Variants in ZSWIM5 observed in about 807,000 individuals in gnomAD.
ZSWIM5 encodes the protein zinc finger SWIM domain-containing protein 5.
Under a neutral mutation model 119.6 loss-of-function variants are expected in ZSWIM5, and 55 were observed. That is an observed-to-expected ratio of 0.46 (90% CI 0.37 to 0.58). The LOEUF (loss-of-function observed/expected upper bound fraction) is 0.58. Ranked by LOEUF, ZSWIM5 falls within the 20% of genes least tolerant of loss-of-function variation. ZSWIM5 has a pLI of 0.00. For missense variants in ZSWIM5, 1,193 were observed against 1,512.8 expected (o/e 0.79, Z 3.51); for synonymous variants, 537 against 606.9 (o/e 0.88, Z 1.69).
At chr1:45,080,836 T>C (rs1645285551) in intron 2 of ZSWIM5, among the ~76,000 whole-genome samples, 1 of 152,078 alleles carries the variant, frequency 6.6e-6, no homozygotes, top group Non-Finnish European at 1.5e-5. Context: ...AAATAGGGCA[T>C]AGAGTAGTGC....
chr1:45,068,332 C>T (rs1040182237), intron 2 of ZSWIM5, among the ~76,000 whole-genome samples: 1 of 151,750 alleles, frequency 6.6e-6, no homozygotes, highest in Non-Finnish European at 1.5e-5. Context: ...TCTTGAACTC[C>T]TGACCGCAGG....
At chr1:45,044,763 A>G (rs1456728162) in intron 5 of ZSWIM5, among the ~76,000 whole-genome samples, 1 of 3,894 alleles carries the variant, frequency 2.6e-4, no homozygotes, top group African/African-American at 7.8e-4. Flanking sequence ...ATATATATAT[A>G]TATATATATA....
intron 10 of ZSWIM5, among the ~76,000 whole-genome samples, chr1:45,034,835 G>A (rs1256735244): frequency 1.3e-5 from 2 of 152,174 alleles, no homozygotes; most frequent in East Asian, 1.9e-4. Context: ...AGGCTGGAGT[G>A]TAGTGGCATA....
chr1:45,172,093 A>C (rs1014022919), intron 1 of ZSWIM5, among the ~76,000 whole-genome samples: 2 of 152,040 alleles, frequency 1.3e-5, no homozygotes, highest in African/African-American at 4.8e-5. Context: ...ATAATATTGT[A>C]AGAATGCTCA....
At chr1:45,189,755 C>CA (rs957294942) in intron 1 of ZSWIM5, among the ~76,000 whole-genome samples, 3 of 152,050 alleles carry the variant, frequency 2.0e-5, no homozygotes, top group African/African-American at 7.2e-5. Flanking sequence ...GATTTCGTCT[C>CA]AAAAAACAAA....
intron 1 of ZSWIM5, among the ~76,000 whole-genome samples, chr1:45,150,819 A>G (rs1204095195): frequency 6.6e-6 from 1 of 152,198 alleles, no homozygotes; most frequent in African/African-American, 2.4e-5. Context: ...CATGATCAGT[A>G]CTTAATAAAT....
chr1:45,194,604 G>A (rs1431329430), intron 1 of ZSWIM5, among the ~76,000 whole-genome samples: 8 of 152,120 alleles, frequency 5.3e-5, no homozygotes, highest in Non-Finnish European at 1.0e-4. Context: ...CTGGCCAGGC[G>A]CGGTGGCTCA....
intron 3 of ZSWIM5, among the ~76,000 whole-genome samples, chr1:45,059,027 G>C (rs1387010225): frequency 6.6e-6 from 1 of 152,148 alleles, no homozygotes; most frequent in Non-Finnish European, 1.5e-5. Flanking sequence ...TAAAGAAATT[G>C]ACACATCATA....
intron 1 of ZSWIM5, among the ~76,000 whole-genome samples, chr1:45,179,938 T>A (rs1228954379): frequency 6.8e-6 from 1 of 147,376 alleles, no homozygotes; most frequent in African/African-American, 2.5e-5. Context: ...TAAAATGATA[T>A]GGTATAGGGA....
chr1:45,117,855 T>C (rs1469235430), intron 1 of ZSWIM5, among the ~76,000 whole-genome samples: 1 of 152,208 alleles, frequency 6.6e-6, no homozygotes, highest in Admixed American at 6.5e-5. Flanking sequence ...GGCAAGTCAA[T>C]CTATATCAGT....
chr1:45,125,466 C>T (rs1645614986), intron 1 of ZSWIM5, among the ~76,000 whole-genome samples: 1 of 149,708 alleles, frequency 6.7e-6, no homozygotes, highest in Non-Finnish European at 1.5e-5. Context: ...AAATTTATAG[C>T]AGGAACTGCT....
At chr1:45,121,103 C>G (rs1233974821) in intron 1 of ZSWIM5, among the ~76,000 whole-genome samples, 2 of 152,094 alleles carry the variant, frequency 1.3e-5, no homozygotes, top group Admixed American at 1.3e-4. Flanking sequence ...GCGCCCGCCA[C>G]CTTGCCCAGT....
At chr1:45,106,379 C>A (rs1645478316) in intron 1 of ZSWIM5, among the ~76,000 whole-genome samples, 1 of 143,088 alleles carries the variant, frequency 7.0e-6, no homozygotes, top group African/African-American at 2.6e-5. Context: ...CTCTGCCCGG[C>A]CACCCCATCT....
intron 3 of ZSWIM5, 121 bp downstream of exon 3, chr1:45,059,978 A>G: frequency 7.9e-7 from 1 of 1,257,902 alleles, no homozygotes; most frequent in South Asian, 1.5e-5. Flanking sequence ...GATTTCAAGT[A>G]TTCAGTTCAG....
intron 1 of ZSWIM5, among the ~76,000 whole-genome samples, chr1:45,131,148 G>A (rs550381694): frequency 4.6e-5 from 7 of 152,242 alleles, no homozygotes; most frequent in Admixed American, 4.6e-4. Flanking sequence ...ATGGATTCTC[G>A]TGGTGATGTA....
chr1:45,125,364 A>G (rs1282256768), intron 1 of ZSWIM5, among the ~76,000 whole-genome samples: 1 of 152,228 alleles, frequency 6.6e-6, no homozygotes, highest in Admixed American at 6.5e-5. Context: ...AAGAAGTCTC[A>G]AGGAAAATGA....
At chr1:45,109,471 C>T (rs1171691379) in intron 1 of ZSWIM5, among the ~76,000 whole-genome samples, 5 of 152,154 alleles carry the variant, frequency 3.3e-5, no homozygotes, top group Admixed American at 6.5e-5. Context: ...CCTGGCTAGA[C>T]GCGGTGGCTC....
At position 45,059,036 on chromosome 1, in the gene ZSWIM5, T is replaced by C. The variant is rs547807317; in HGVS notation, c.1102-277A>G. Among the ~76,000 whole-genome samples the C allele has an allele frequency of 2.0e-5, 3 of 152,334 alleles. No individual in the cohort carries two copies. In the East Asian group the frequency reaches 5.8e-4, roughly 29 times the overall value. ...AGGATGTAAAGAAATTGACACATCA[T>C]ACACTGTTGGTAGGAACGTAAAATG... On this transcript the variant is annotated intron_variant, in intron 3 of 13. Transcript: ENST00000359600.
intron 1 of ZSWIM5, among the ~76,000 whole-genome samples, chr1:45,179,460 G>T (rs1211112827): frequency 6.6e-6 from 1 of 152,006 alleles, no homozygotes; most frequent in Non-Finnish European, 1.5e-5. Context: ...AAGGGAGAGG[G>T]TTAGGGTTGA....
Sources: allele counts gnomAD v4.1 joint callset (sites outside exome capture counted in the v4.1 genomes callset), GRCh38; gene constraint gnomAD v4.1.1; transcripts MANE v1.5; gene names NCBI Gene and HGNC (gene_info 2026-07-23, HGNC 2026-07-21).